Variants in CAPRIN1 observed in about 807,000 individuals in gnomAD.
CAPRIN1 encodes cell cycle associated protein 1.
In CAPRIN1, 29 loss-of-function variants were observed where a neutral mutation model predicts 100.9. The ratio of observed to expected loss-of-function variants is 0.29; its 90% CI spans 0.21 to 0.39. CAPRIN1 has a LOEUF of 0.39. Ranked by LOEUF, CAPRIN1 falls within the 10% of genes least tolerant of loss-of-function variation. The pLI is 1.00. For missense variants in CAPRIN1, 795 were observed against 876.7 expected (o/e 0.91, Z 1.18); for synonymous variants, 338 against 307.5 (o/e 1.10, Z -1.04).
chr11:34,059,069 C>T (rs1728615654), intron 2 of CAPRIN1, among the ~76,000 whole-genome samples: 1 of 152,102 alleles, frequency 6.6e-6, no homozygotes, highest in Non-Finnish European at 1.5e-5. Flanking sequence ...TTATTTCTTT[C>T]TTTCACTAGC....
intron 2 of CAPRIN1, among the ~76,000 whole-genome samples, chr11:34,064,643 G>A (rs973934499): frequency 1.3e-5 from 2 of 152,168 alleles, no homozygotes; most frequent in Non-Finnish European, 2.9e-5. Context: ...TGTTTATAGT[G>A]TACATTTTGG....
At chr11:34,090,868 A>G (rs1318161893) in intron 14 of CAPRIN1, among the ~76,000 whole-genome samples, 190 bp downstream of exon 14, 1 of 152,210 alleles carries the variant, frequency 6.6e-6, no homozygotes, top group Non-Finnish European at 1.5e-5. Context: ...TCTAGAGATA[A>G]ATTTTAGCCT....
Position 34,102,353 on chromosome 11 carries a change from G to A in CAPRIN1, c.*2986G>A, listed in dbSNP as rs1851465808. Among the ~76,000 whole-genome samples the A allele has an allele frequency of 6.6e-6, 1 of 152,112 alleles. No homozygotes were observed. The highest frequency in any genetic ancestry group is 1.5e-5 in the Non-Finnish European group (1 of 68,014). On this transcript the variant is annotated 3_prime_UTR_variant, in exon 19 of 19. Coordinates refer to ENST00000341394, the MANE Select transcript of CAPRIN1 (RefSeq NM_005898.5). ...TTCAAACCCTTCATTTTATGTTTAA[G>A]CTCCTGAATCTGCATTCCACTTGGG...
chr11:34,054,937 C>T (rs1218422387), intron 2 of CAPRIN1, among the ~76,000 whole-genome samples: 1 of 151,918 alleles, frequency 6.6e-6, no homozygotes, highest in Admixed American at 6.6e-5. Context: ...TGAAAGATAA[C>T]TCCTCAGAGA....
chr11:34,098,635 TG>T (rs1314002441), intron 18 of CAPRIN1: 1 of 985,290 alleles, frequency 1.0e-6, no homozygotes, highest in Non-Finnish European at 1.2e-6. Flanking sequence ...TAAAAATTAA[TG>T]GATCACTTGG....
intron 1 of CAPRIN1, 70 bp from the exon 2 acceptor site, chr11:34,052,351 C>G: frequency 7.9e-7 from 1 of 1,263,852 alleles, no homozygotes. Flanking sequence ...GCGTCTCGCC[C>G]CGTCCGTCTC....
chr11:34,093,979 G>A (rs1851315273), intron 15 of CAPRIN1, among the ~76,000 whole-genome samples: 2 of 151,800 alleles, frequency 1.3e-5, no homozygotes, highest in Non-Finnish European at 2.9e-5. Context: ...TTTAAAAAAA[G>A]TTCATTTGTT....
chr11:34,084,163 A>T (rs2134121621), intron 9 of CAPRIN1, among the ~76,000 whole-genome samples: 1 of 151,842 alleles, frequency 6.6e-6, no homozygotes, highest in African/African-American at 2.4e-5. Context: ...CATTTTGGCC[A>T]GGCTCGTCTT....
At chr11:34,069,931 A>G (rs1590728420) in intron 2 of CAPRIN1, among the ~76,000 whole-genome samples, 1 of 151,522 alleles carries the variant, frequency 6.6e-6, no homozygotes, top group African/African-American at 2.4e-5. Context: ...AAAAAGAAAA[A>G]ACAAAACTTA....
At chr11:34,063,444 A>G (rs906967530) in intron 2 of CAPRIN1, 1 of 152,222 alleles carries the variant, frequency 6.6e-6, no homozygotes, top group Non-Finnish European at 1.5e-5. Flanking sequence ...AGGTTTAGCT[A>G]CCTTTTAAAT....
intron 2 of CAPRIN1, among the ~76,000 whole-genome samples, chr11:34,070,871 T>C (rs1850793220): frequency 1.3e-5 from 2 of 151,886 alleles, no homozygotes; most frequent in South Asian, 4.1e-4. Flanking sequence ...CCCAGCTGAT[T>C]TTGTATTTTT....
At chr11:34,096,738 A>G in intron 16 of CAPRIN1, 65 bp downstream of exon 16, 2 of 1,268,114 alleles carry the variant, frequency 1.6e-6, no homozygotes, top group Non-Finnish European at 2.2e-6. Context: ...TTGATTTGTA[A>G]AATATATCAC....
intron 2 of CAPRIN1, among the ~76,000 whole-genome samples, chr11:34,066,731 A>T (rs1385415863): frequency 6.9e-6 from 1 of 145,780 alleles, no homozygotes; most frequent in African/African-American, 2.6e-5. Context: ...TGCAACCTCC[A>T]CCTCCTGCCT....
chr11:34,065,505 G>T (rs1392773850), intron 2 of CAPRIN1, among the ~76,000 whole-genome samples: 1 of 152,204 alleles, frequency 6.6e-6, no homozygotes, highest in African/African-American at 2.4e-5. Flanking sequence ...GAGAATTTGT[G>T]TTTCTAACAA....
intron 15 of CAPRIN1, among the ~76,000 whole-genome samples, chr11:34,092,503 C>T (rs550006339): frequency 6.6e-6 from 1 of 151,974 alleles, no homozygotes; most frequent in East Asian, 1.9e-4. Context: ...GGAATACACG[C>T]ATGTGCCACC....
chr11:34,052,504 G>GGCCGCGGGAGCCGGGGCC lies in CAPRIN1; in HGVS notation c.91_108dup (p.Gly31_Ala36dup). On this transcript the variant is annotated inframe_insertion, in exon 2 of 19. Transcript: ENST00000341394. ...CGTCGGGTTCCTCCGGGAGTGAGGC[G>GGCCGCGGGAGCCGGGGCC]GCCGCGGGAGCCGGGGCCGCCGCGC... 1 of 1,605,174 alleles carries GGCCGCGGGAGCCGGGGCC rather than the reference G, an allele frequency of 6.2e-7. No homozygotes were observed. The highest frequency in any genetic ancestry group is 1.3e-5 in the African/African-American group (1 of 74,700).
chr11:34,092,695 C>G (rs1851285993), intron 15 of CAPRIN1, among the ~76,000 whole-genome samples: 1 of 152,114 alleles, frequency 6.6e-6, no homozygotes, highest in South Asian at 2.1e-4. Flanking sequence ...TGATTGAAGG[C>G]TTTTAGCATG....
chr11:34,095,487 A>G (rs1166562204), intron 15 of CAPRIN1, among the ~76,000 whole-genome samples: 1 of 152,226 alleles, frequency 6.6e-6, no homozygotes, highest in East Asian at 1.9e-4. Context: ...TCATCGTAAA[A>G]TAGGATTCTA....
chr11:34,091,767 A>ATG (rs144141804), intron 14 of CAPRIN1, 139 bp from the exon 15 acceptor site: 2 of 689,816 alleles, frequency 2.9e-6, no homozygotes, highest in Non-Finnish European at 2.5e-6. Context: ...GGATTTTTGT[A>ATG]TGTGTGTGTG....
Sources: allele counts gnomAD v4.1 joint callset (sites outside exome capture counted in the v4.1 genomes callset), GRCh38; gene constraint gnomAD v4.1.1; transcripts MANE v1.5; gene names NCBI Gene and HGNC (gene_info 2026-07-23, HGNC 2026-07-21).